The following ADGRL2 variants were observed in gnomAD, a reference collection of about 807,000 sequenced individuals.
The protein encoded by ADGRL2 is calcium-independent alpha-latrotoxin receptor 2.
ADGRL2 carries 44 observed loss-of-function variants against 157.4 expected under a neutral mutation model. The ratio of observed to expected loss-of-function variants is 0.28; its 90% CI spans 0.22 to 0.36. The LOEUF is 0.36. Among genes scored for constraint, ADGRL2 ranks in the 10% least tolerant of loss-of-function variants. The probability of loss-of-function intolerance (pLI) is 1.00; values close to 1 mark genes in which losing one functional copy is unlikely to be tolerated. For synonymous variants in ADGRL2, 585 were observed against 624.7 expected, an observed-to-expected ratio of 0.94 and a Z score of 0.95; for missense variants, 1,510 against 1,768.9, an observed-to-expected ratio of 0.85 and a Z score of 2.63.
chr1:81,539,835 T>C (rs575658651), intron 2 of ADGRL2, among the ~76,000 whole-genome samples: 2 of 152,276 alleles, frequency 1.3e-5, no homozygotes, highest in South Asian at 4.2e-4. Flanking sequence ...AAAAGGCATT[T>C]TTCTTTCCTT....
At chr1:81,487,091 C>CAAAA (rs146122539) in intron 2 of ADGRL2, among the ~76,000 whole-genome samples, 7 of 85,206 alleles carry the variant, frequency 8.2e-5, no homozygotes, top group East Asian at 4.0e-4. Context: ...CTCATCTCTA[C>CAAAA]AAAAAAAAAA....
chr1:81,914,361 A>C (rs915532037), intron 3 of ADGRL2, among the ~76,000 whole-genome samples: 7 of 152,102 alleles, frequency 4.6e-5, no homozygotes, highest in African/African-American at 1.7e-4. Context: ...CAAAGGGAAA[A>C]ATTAGTGCAG....
chr1:81,810,292 C>T (rs916451437), intron 1 of ADGRL2, among the ~76,000 whole-genome samples: 1 of 149,834 alleles, frequency 6.7e-6, no homozygotes, highest in African/African-American at 2.5e-5. Flanking sequence ...ATGCAGACTA[C>T]GTTTACTTAA....
intron 1 of ADGRL2, among the ~76,000 whole-genome samples, chr1:81,437,009 G>T (rs2077421951): frequency 6.6e-6 from 1 of 152,156 alleles, no homozygotes; most frequent in African/African-American, 2.4e-5. Flanking sequence ...AACAAAATGT[G>T]TTCATAAACA....
intron 2 of ADGRL2, among the ~76,000 whole-genome samples, chr1:81,495,419 G>A (rs911596840): frequency 1.3e-5 from 2 of 152,128 alleles, no homozygotes. Flanking sequence ...ATATTTTCAA[G>A]TTTGTCAGTA....
intron 2 of ADGRL2, among the ~76,000 whole-genome samples, chr1:81,541,336 A>T (rs2079878550): frequency 6.6e-6 from 1 of 152,070 alleles, no homozygotes; most frequent in Non-Finnish European, 1.5e-5. Context: ...CATGTATTAT[A>T]TTTTTTCTTA....
intron 1 of ADGRL2, among the ~76,000 whole-genome samples, chr1:81,439,990 T>A (rs1261560020): frequency 2.0e-5 from 3 of 152,246 alleles, no homozygotes; most frequent in African/African-American, 7.2e-5. Flanking sequence ...CTCTACCAAC[T>A]GAGTCTGTGG....
intron 1 of ADGRL2, among the ~76,000 whole-genome samples, chr1:81,347,960 A>C (rs1234313154): frequency 6.6e-6 from 1 of 152,214 alleles, no homozygotes; most frequent in African/African-American, 2.4e-5. Flanking sequence ...CAGAAAAGGG[A>C]AGAATGAAAC....
At chr1:81,695,765 G>A (rs1386927841), upstream of ADGRL2, among the ~76,000 whole-genome samples, 2 of 151,338 alleles carry the variant, frequency 1.3e-5, no homozygotes, top group Non-Finnish European at 2.9e-5. Context: ...AGGTTGCAGT[G>A]AGCCGAGAGA....
At chr1:81,362,839 G>A (rs762004871) in intron 1 of ADGRL2, among the ~76,000 whole-genome samples, 7 of 151,944 alleles carry the variant, frequency 4.6e-5, no homozygotes, top group Non-Finnish European at 1.0e-4. Flanking sequence ...TCAGTGGTTA[G>A]CCCATGATTT....
intron 1 of ADGRL2, among the ~76,000 whole-genome samples, chr1:81,747,525 C>T (rs2085339391): frequency 6.6e-6 from 1 of 152,002 alleles, no homozygotes; most frequent in South Asian, 2.1e-4. Flanking sequence ...TGGTCTCAAA[C>T]TCCTGACCTC....
At chr1:81,653,322 T>TTG (rs71868393) in intron 3 of ADGRL2, among the ~76,000 whole-genome samples, 25,089 of 149,698 alleles carry the variant, frequency 0.17, 2,381 homozygotes, top group African/African-American at 0.2. Context: ...CCTTTAGGGT[T>TTG]TTTTTTTTTT....
chr1:81,427,438 G>A (rs914709076), intron 1 of ADGRL2: 11 of 752,174 alleles, frequency 1.5e-5, no homozygotes, highest in Non-Finnish European at 2.7e-5. Context: ...GAAATTTGGT[G>A]GTGGTAACTG....
intron 2 of ADGRL2, among the ~76,000 whole-genome samples, chr1:81,888,655 GTAGAC>G (rs2094187942): frequency 6.6e-6 from 1 of 152,016 alleles, no homozygotes; most frequent in Non-Finnish European, 1.5e-5. Context: ...TGGCACCTTA[GTAGAC>G]CCAGGATGTT....
intron 2 of ADGRL2, among the ~76,000 whole-genome samples, chr1:81,565,153 C>A (rs1231758777): frequency 1.3e-5 from 2 of 152,194 alleles, no homozygotes; most frequent in Non-Finnish European, 2.9e-5. Flanking sequence ...TGAACACAGG[C>A]AACTGAGGCT....
intron 2 of ADGRL2, among the ~76,000 whole-genome samples, chr1:81,504,868 G>A (rs1044179290): frequency 8.5e-5 from 13 of 152,198 alleles, no homozygotes; most frequent in South Asian, 4.1e-4. Flanking sequence ...CAGGGTATGA[G>A]GAGATGAATA....
chr1:81,768,285 C>T lies in ADGRL2; in HGVS notation c.-101+6433C>T, dbSNP rs535409646. 9.9e-5 allele frequency among the ~76,000 whole-genome samples: 15 copies of T among 152,108 alleles called. No individual in the cohort carries two copies. The South Asian group carries it at 1.2e-3, about 13-fold the overall frequency. On this transcript the variant is annotated intron_variant, in intron 2 of 20. Coordinates refer to the ADGRL2 transcript ENST00000359929. ...CTGGTCTTGAACTCCTGGCCTCAAGCGGTACTCCCAGCTATCATCTGCTGA... is the reference window on the plus strand; with the variant it reads ...CTGGTCTTGAACTCCTGGCCTCAAGTGGTACTCCCAGCTATCATCTGCTGA...
chr1:81,633,382 G>GT (rs2082051194), intron 3 of ADGRL2, among the ~76,000 whole-genome samples: 3 of 151,746 alleles, frequency 2.0e-5, no homozygotes, highest in Admixed American at 1.3e-4. Flanking sequence ...GATCACTTGA[G>GT]TTCAGGAGTT....
chr1:81,421,859 G>A (rs936398225), intron 1 of ADGRL2, among the ~76,000 whole-genome samples: 2 of 152,138 alleles, frequency 1.3e-5, no homozygotes, highest in Non-Finnish European at 2.9e-5. Flanking sequence ...CATAGATTAT[G>A]TTCTACCAAT....
Sources: allele counts gnomAD v4.1 joint callset (sites outside exome capture counted in the v4.1 genomes callset), GRCh38; gene constraint gnomAD v4.1.1; transcripts MANE v1.5; gene names NCBI Gene and HGNC (gene_info 2026-07-23, HGNC 2026-07-21).